OR10H1: variants seen among roughly 807,000 people sequenced by gnomAD.
OR10H1 encodes the protein olfactory receptor family 10 subfamily H member 1, also known as olfactory receptor 10H1.
Under a neutral mutation model 13.1 loss-of-function variants are expected in OR10H1, and 12 were observed. The observed-to-expected ratio is 0.92, with a 90% CI of 0.59 to 1.48. The LOEUF is 1.48. OR10H1 is among the 40% of genes most tolerant of loss of function. OR10H1 has a pLI of 0.00. For synonymous variants in OR10H1, 168 were observed against 175.6 expected (o/e 0.96, Z 0.34); for missense variants, 363 against 413.1 (o/e 0.88, Z 1.05).
At position 15,807,690 on chromosome 19, in the gene OR10H1, G is replaced by A. The variant is rs148327766; in HGVS notation, c.348C>T (p.Thr116=). The change falls in exon 4 of 4, where the codon ACC becomes ACT. Residue 116 remains threonine (T), a synonymous_variant. Coordinates refer to ENST00000641419, the MANE Select transcript of OR10H1 (RefSeq NM_013940.4). ...SFGFTHSFLL[T]VMGYDRYVAI... Reference sequence around the variant, plus strand: ...CCACGTAGCGGTCGTAGCCCATGACGGTGAGCAGGAAGGAGTGGGTGAAGC... The same window carrying A: ...CCACGTAGCGGTCGTAGCCCATGACAGTGAGCAGGAAGGAGTGGGTGAAGC... 0.095 allele frequency: 153,478 copies of A among 1,613,714 alleles called. 7,840 individuals are homozygous for A. Among genetic ancestry groups the A allele is most frequent in the Middle Eastern group, 0.15 (894 of 6,056 alleles).
At chr19:15,809,555 A>G (rs953967509) in intron 2 of OR10H1, among the ~76,000 whole-genome samples, 1 of 152,056 alleles carries the variant, frequency 6.6e-6, no homozygotes, top group African/African-American at 2.4e-5. Flanking sequence ...GGATTCCCAA[A>G]GTGCTGGAAT....
rs1386171329 is a variant in OR10H1 at position 15,807,294 on chromosome 19, C to A, written c.744G>T (p.Val248=). ...AGGCAAAGCCATAGTGCACGACCACCACAGTGAGGTGAGAGGCACAGGTGG... is the reference window on the plus strand; with the variant it reads ...AGGCAAAGCCATAGTGCACGACCACAACAGTGAGGTGAGAGGCACAGGTGG... ...AFSTCASHLT[V]VVVHYGFASV... The change falls in exon 4 of 4, where the codon GTG becomes GTT. Residue 248 remains valine (V), a synonymous_variant. Coordinates refer to ENST00000641419, the MANE Select transcript of OR10H1 (RefSeq NM_013940.4). 3 of 1,614,070 alleles carry A rather than the reference C, an allele frequency of 1.9e-6. No individual in the cohort carries two copies. Among genetic ancestry groups the A allele is most frequent in the African/African-American group, 2.7e-5 (2 of 75,046 alleles).
Position 15,807,843 on chromosome 19 carries a change from G to T in OR10H1, c.195C>A (p.Ala65=). Residue 65 remains alanine (A), a synonymous_variant, in exon 4 of 4, where the codon GCC becomes GCA. Coordinates refer to ENST00000641419, the MANE Select transcript of OR10H1 (RefSeq NM_013940.4). Reference sequence around the variant, plus strand: ...TGTAGAGGATCTCGGAGACGGAGAGGGCGCACAGGAAGAGGTACATGGGCG... The same window carrying T: ...TGTAGAGGATCTCGGAGACGGAGAGTGCGCACAGGAAGAGGTACATGGGCG... ...LHTPMYLFLC[A]LSVSEILYTV... 6.2e-7 allele frequency: 1 copy of T among 1,609,062 alleles called. No homozygotes were observed. The highest frequency in any genetic ancestry group is 1.1e-5 in the South Asian group (1 of 90,756).
In OR10H1 at chr19:15,807,802, G is replaced by A. The variant is rs369544216; in HGVS notation, c.236C>T (p.Pro79Leu). 92 of 1,606,144 alleles carry A rather than the reference G, an allele frequency of 5.7e-5. 1 individual carries two copies. Among genetic ancestry groups the A allele is most frequent in the Middle Eastern group, 3.3e-4 (2 of 6,022 alleles). ...SEILYTVAII[P>L]RMLADLLSTQ... is the part of the protein sequence containing the mutation. ...GGACAGCAGGTCGGCCAGCATGCGC[G>A]GGATGATGGCCACGGTGTAGAGGAT... The change falls in exon 4 of 4, where the codon CCG becomes CTG. Residue 79 changes from proline to leucine, a missense_variant. By Grantham distance (98) the Pro-to-Leu change is moderately conservative. Transcript: ENST00000641419.
rs150713106 is a variant in OR10H1 at position 15,808,198 on chromosome 19, C to T, written c.-11-150G>A. 1.5e-3 allele frequency: 955 copies of T among 650,502 alleles called. 5 individuals carry two copies. In the African/African-American group the frequency reaches 0.016, roughly 11 times the overall value. The allele number at this position is 650,502 out of a possible 1,614,324, so 40.3% of individuals were successfully genotyped here. On this transcript the variant is annotated intron_variant, in intron 3 of 3. Transcript: ENST00000641419. ...ACCTCCTATAATTTAATACTCTCGT[C>T]AACCTAGTGAGAACGGTACTATTTT...
chr19:15,805,054 C>A lies in OR10H1; in HGVS notation c.*2027G>T, dbSNP rs2088887608. On this transcript the variant is annotated 3_prime_UTR_variant, in exon 4 of 4. Coordinates refer to ENST00000641419, the MANE Select transcript of OR10H1 (RefSeq NM_013940.4). The stretch of plus-strand genomic sequence containing the variant: ...AGTGTCTGTTCATATCCTTTGCCCA[C>A]TTTTTGATGGGATTGTTTGTTTTTT... The A allele has an allele frequency of 6.6e-6, 1 of 152,002 alleles. No individual in the cohort carries two copies. The highest frequency in any genetic ancestry group is 1.5e-5 in the Non-Finnish European group (1 of 68,008). 9.4% of individuals were successfully genotyped at this position (152,002 alleles called of 1,614,324 possible). A position where few individuals can be genotyped will look rare whatever the true frequency, so the allele number is the denominator to read the frequency against.
In OR10H1 at chr19:15,807,085, A is replaced by G. The variant is rs746303560; in HGVS notation, c.953T>C (p.Met318Thr). The change falls in exon 4 of 4, where the codon ATG becomes ACG. Residue 318 changes from methionine (M) to threonine (T), a missense_variant. By Grantham distance (81) the Met-to-Thr change is moderately conservative. This residue lies in a region of OR10H1 where 42 missense variants were observed against 30.3 expected (regional missense o/e 1.39). Coordinates refer to ENST00000641419, the MANE Select transcript of OR10H1 (RefSeq NM_013940.4). ...GTTGTTCCCAGTGAATTTCTCCTAC[A>G]TCATTACATTTTTTTCTGGGTAGAG... ...SKLYPEKNVM[M>T] is the part of the protein sequence containing the mutation. 20 of 1,609,332 alleles carry G rather than the reference A, an allele frequency of 1.2e-5. No homozygotes were observed. In the Admixed American group the frequency reaches 2.4e-4, roughly 19 times the overall value.
At chr19:15,808,124 G>T in intron 3 of OR10H1, 76 bp from the exon 4 acceptor site, 2 of 1,241,268 alleles carry the variant, frequency 1.6e-6, no homozygotes, top group Non-Finnish European at 2.3e-6. Flanking sequence ...ACCTGGATTT[G>T]CCCAAGGGAC....
chr19:15,813,508 G>A (rs2088946264), intron 1 of OR10H1, among the ~76,000 whole-genome samples: 1 of 147,552 alleles, frequency 6.8e-6, no homozygotes, highest in Admixed American at 7.2e-5. Context: ...GAGGAGGCGA[G>A]GGAGAAACAG....
At position 15,806,415 on chromosome 19, in the gene OR10H1, AG is replaced by A. The variant is rs1259251032; in HGVS notation, c.*665del. 6.6e-6 allele frequency: 1 copy of A among 152,224 alleles called. No homozygotes were observed. The highest frequency in any genetic ancestry group is 1.5e-5 in the Non-Finnish European group (1 of 68,124). The allele number at this position is 152,224 out of a possible 1,614,324, so 9.4% of individuals were successfully genotyped here. ...TATGTTCATGGATTGTCTTTCTTTT[AG>A]GGGGGAAGGGATAGGGTCTCACTCT... On this transcript the variant is annotated 3_prime_UTR_variant, in exon 4 of 4. Coordinates refer to ENST00000641419, the MANE Select transcript of OR10H1 (RefSeq NM_013940.4).
intron 1 of OR10H1, among the ~76,000 whole-genome samples, chr19:15,813,168 G>T (rs976375081): frequency 6.6e-6 from 1 of 151,154 alleles, no homozygotes; most frequent in African/African-American, 2.4e-5. Context: ...AAAAATCCCA[G>T]TTGCTAATTA....
At position 15,812,785 on chromosome 19, in the gene OR10H1, C is replaced by A. The variant is rs1599314275; in HGVS notation, c.-684G>T. 1 of 75,648 alleles carries A rather than the reference C, an allele frequency of 1.3e-5. No homozygotes were observed. The allele number at this position is 75,648 out of a possible 1,614,324, so 4.7% of individuals were successfully genotyped here. On this transcript the variant is annotated 5_prime_UTR_variant, in exon 2 of 4. Transcript: ENST00000641419. ...GGGAGAAACCTTGAGAGGACAGGAG[C>A]CGATCACGTCTGTAGGAGGTAGCTG...
At position 15,807,373 on chromosome 19, in the gene OR10H1, A is replaced by G. The variant is rs1568452952; in HGVS notation, c.665T>C (p.Ile222Thr). 6.8e-6 allele frequency: 11 copies of G among 1,614,046 alleles called. No homozygotes were observed. Among genetic ancestry groups the G allele is most frequent in the African/African-American group, 1.3e-5 (1 of 74,920 alleles). ...FLLILLSYAF[I>T]VAAILKIPSA... ...AGGGATCTTCAAGATGGCGGCCACG[A>G]TGAAGGCATAGGAGAGGAGGATGAG... Residue 222 changes from isoleucine to threonine, a missense_variant, in exon 4 of 4, where the codon ATC (isoleucine) becomes ACC (threonine). Ile to Thr is a moderately conservative substitution (Grantham distance 89). Transcript: ENST00000641419.
rs1206424516 is a variant in OR10H1, at chr19:15,804,717, T to C, written c.*2364A>G. 1 of 152,244 alleles carries C rather than the reference T, an allele frequency of 6.6e-6. No individual in the cohort carries two copies. The highest frequency in any genetic ancestry group is 2.4e-5 in the African/African-American group (1 of 41,456). The allele number at this position is 152,244 out of a possible 1,614,324, so 9.4% of individuals were successfully genotyped here. ...TGTGTCTTTATAGCAGCATGATTTA[T>C]AATCCTTTGGGTATATACCCAGTAA... is the stretch of plus-strand genomic sequence containing the variant. On this transcript the variant is annotated 3_prime_UTR_variant, in exon 4 of 4. Transcript: ENST00000641419.
intron 2 of OR10H1, among the ~76,000 whole-genome samples, chr19:15,809,488 T>A (rs2088921318): frequency 6.6e-6 from 1 of 151,992 alleles, no homozygotes; most frequent in Non-Finnish European, 1.5e-5. Context: ...AGATGGCATC[T>A]TGCTATGTTG....
In OR10H1 at chr19:15,805,933, T is replaced by C. The variant is rs1037222229; in HGVS notation, c.*1148A>G. On this transcript the variant is annotated 3_prime_UTR_variant, in exon 4 of 4. Coordinates refer to ENST00000641419, the MANE Select transcript of OR10H1 (RefSeq NM_013940.4). ...ACTATTCAAGACTCACACTTGAAAT[T>C]CTAAGGTTTCCTTGATGTTTAAAGA... is the stretch of plus-strand genomic sequence containing the variant. 2 of 152,248 alleles carry C rather than the reference T, an allele frequency of 1.3e-5. No homozygotes were observed. The highest frequency in any genetic ancestry group is 2.9e-5 in the Non-Finnish European group (2 of 68,044). The allele number at this position is 152,248 out of a possible 1,614,324, so 9.4% of individuals were successfully genotyped here. A position where few individuals can be genotyped will look rare whatever the true frequency, so the allele number is the denominator to read the frequency against.
rs1222577132 is a variant in OR10H1, at chr19:15,808,822, C to G, written c.-109G>C. On this transcript the variant is annotated 5_prime_UTR_variant, in exon 3 of 4. Coordinates refer to ENST00000641419, the MANE Select transcript of OR10H1 (RefSeq NM_013940.4). ...CCGAGATGGCGCCACTGGACTCCAC[C>G]CTGGCGACAGAGCGAGTCTCTGTCT... 1.3e-5 allele frequency: 2 copies of G among 151,934 alleles called. No individual in the cohort carries two copies. Among genetic ancestry groups the G allele is most frequent in the East Asian group, 3.9e-4 (2 of 5,190 alleles). The allele number at this position is 151,934 out of a possible 1,614,324, so 9.4% of individuals were successfully genotyped here.
chr19:15,807,224 C>T lies in OR10H1; in HGVS notation c.814G>A (p.Asp272Asn), dbSNP rs199622009. ...KPKSPQSLEG[D>N]TLMGITYTVL... is the part of the protein sequence containing the mutation. ...GTGTAGGTGATGCCCATCAAGGTGTCTCCTTCCAGAGACTGGGGACTTTTG... is the reference window on the plus strand; with the variant it reads ...GTGTAGGTGATGCCCATCAAGGTGTTTCCTTCCAGAGACTGGGGACTTTTG... The change falls in exon 4 of 4, where the codon GAC (aspartate) becomes AAC (asparagine). Residue 272 changes from aspartate (D) to asparagine (N), a missense_variant. Asp to Asn is a conservative substitution (Grantham distance 23). Transcript: ENST00000641419. 1 of 1,614,100 alleles carries T rather than the reference C, an allele frequency of 6.2e-7. No homozygotes were observed. Among genetic ancestry groups the T allele is most frequent in the East Asian group, 2.2e-5 (1 of 44,878 alleles).
At position 15,814,002 on chromosome 19, in the gene OR10H1, T is replaced by A. The variant is rs924610096; in HGVS notation, c.-777-1124A>T. The stretch of plus-strand genomic sequence containing the variant: ...TGGGGCCAGTTCTCCACTCAGAGAC[T>A]CTAGGGCTAAGCGTGGCTGTGGACA... On this transcript the variant is annotated intron_variant, in intron 1 of 3. Transcript: ENST00000641419. Among the ~76,000 whole-genome samples, 7 of 151,996 alleles carry A rather than the reference T, an allele frequency of 4.6e-5. No individual in the cohort carries two copies. The East Asian group carries it at 1.4e-3, about 29-fold the overall frequency.
Sources: gnomAD v4.1 joint callset for allele counts (sites outside exome capture counted in the v4.1 genomes callset) on GRCh38, gnomAD v4.1.1 for gene constraint, gnomAD v4.1.1 regional missense constraint, MANE v1.5 for transcripts, NCBI Gene and HGNC (gene_info 2026-07-23, HGNC 2026-07-21) for gene names.